Variants in CPQ observed in about 807,000 individuals in gnomAD.
CPQ encodes carboxypeptidase Q, also known as Ser-Met dipeptidase.
A neutral mutation model predicts 45.7 loss-of-function variants in CPQ; 37 were observed. That is an observed-to-expected ratio of 0.81 (90% CI 0.62 to 1.07). CPQ has a LOEUF of 1.07. Ranked by LOEUF, CPQ falls within the 50% of genes least tolerant of loss-of-function variation. The probability of loss-of-function intolerance (pLI) is 0.00; values close to 1 mark genes in which losing one functional copy is unlikely to be tolerated. For missense variants in CPQ, 537 were observed against 572.9 expected (o/e 0.94, Z 0.64); for synonymous variants, 186 against 205.8 (o/e 0.90, Z 0.82).
At chr8:96,917,301 A>G (rs1450201371) in intron 4 of CPQ, among the ~76,000 whole-genome samples, 1 of 152,122 alleles carries the variant, frequency 6.6e-6, no homozygotes, top group African/African-American at 2.4e-5. Flanking sequence ...AGATACATGA[A>G]TACTTATTCT....
Position 97,129,668 on chromosome 8 carries a change from C to G in CPQ, c.1256-13352C>G, listed in dbSNP as rs568150948. 1.2e-4 allele frequency among the ~76,000 whole-genome samples: 19 copies of G among 152,274 alleles called. No homozygotes were observed. The South Asian group carries it at 3.8e-3, about 30-fold the overall frequency. On this transcript the variant is annotated intron_variant, in intron 7 of 7. Coordinates refer to ENST00000220763, the MANE Select transcript of CPQ (RefSeq NM_016134.4). ...CCACTAACATACCCATAAACAATCTCCACTGCATTACAATCAGGAACTTAG... is the reference window on the plus strand; with the variant it reads ...CCACTAACATACCCATAAACAATCTGCACTGCATTACAATCAGGAACTTAG...
At chr8:96,791,608 A>G (rs1810846826) in intron 2 of CPQ, among the ~76,000 whole-genome samples, 1 of 152,204 alleles carries the variant, frequency 6.6e-6, no homozygotes, top group Admixed American at 6.5e-5. Flanking sequence ...CTCAAAGTAG[A>G]TAAACAGTTG....
chr8:96,895,308 T>C (rs1244892501), intron 4 of CPQ, among the ~76,000 whole-genome samples: 1 of 152,240 alleles, frequency 6.6e-6, no homozygotes, highest in African/African-American at 2.4e-5. Flanking sequence ...TGTTAGCATC[T>C]TGCTGCACTT....
At chr8:96,806,113 G>T (rs1811074943) in intron 2 of CPQ, among the ~76,000 whole-genome samples, 1 of 152,078 alleles carries the variant, frequency 6.6e-6, no homozygotes, top group African/African-American at 2.4e-5. Context: ...GATGGAGAAG[G>T]GGATGAGGCT....
At chr8:96,784,171 C>T (rs1810726527) in intron 1 of CPQ, among the ~76,000 whole-genome samples, 1 of 151,954 alleles carries the variant, frequency 6.6e-6, no homozygotes, top group Non-Finnish European at 1.5e-5. Flanking sequence ...TAAATGCTTC[C>T]TGTTATTGTT....
chr8:96,722,421 T>G (rs1809776914), intron 1 of CPQ, among the ~76,000 whole-genome samples: 1 of 140,998 alleles, frequency 7.1e-6, no homozygotes, highest in South Asian at 2.2e-4. Context: ...ACCATACCAG[T>G]TTTTTTTTTC....
intron 1 of CPQ, among the ~76,000 whole-genome samples, chr8:96,725,903 C>T (rs1809831724): frequency 6.6e-6 from 1 of 152,062 alleles, no homozygotes; most frequent in South Asian, 2.1e-4. Flanking sequence ...ACTACACAGC[C>T]ATAAAAAATA....
intron 3 of CPQ, among the ~76,000 whole-genome samples, chr8:96,850,579 TTTTATTTTATTTA>T (rs1444430902): frequency 2.6e-4 from 37 of 144,548 alleles, no homozygotes; most frequent in South Asian, 2.2e-4. Flanking sequence ...TTTTATTTTA[TTTTATTTTATTTA>T]TTTATTTATT....
At chr8:96,754,763 C>T (rs1286240663) in intron 1 of CPQ, among the ~76,000 whole-genome samples, 2 of 151,944 alleles carry the variant, frequency 1.3e-5, no homozygotes, top group Non-Finnish European at 2.9e-5. Flanking sequence ...TTGGTAAATA[C>T]AATGAAATGA....
At chr8:96,981,542 G>A (rs1185031221) in intron 5 of CPQ, among the ~76,000 whole-genome samples, 1 of 152,116 alleles carries the variant, frequency 6.6e-6, no homozygotes, top group Non-Finnish European at 1.5e-5. Flanking sequence ...AGGGAAGTGT[G>A]AATTTATCTT....
At chr8:96,754,363 T>G (rs1810302033) in intron 1 of CPQ, among the ~76,000 whole-genome samples, 1 of 152,016 alleles carries the variant, frequency 6.6e-6, no homozygotes. Context: ...CACAATAGAT[T>G]CCATTCCCCC....
chr8:97,113,519 C>T (rs1263552062), intron 7 of CPQ, among the ~76,000 whole-genome samples: 1 of 152,204 alleles, frequency 6.6e-6, no homozygotes, highest in Non-Finnish European at 1.5e-5. Context: ...TGATAGTGGA[C>T]TGAATCCTCA....
intron 5 of CPQ, among the ~76,000 whole-genome samples, chr8:96,967,628 T>C (rs951234070): frequency 7.2e-5 from 11 of 152,244 alleles, no homozygotes; most frequent in Non-Finnish European, 1.2e-4. Flanking sequence ...TGATAGCTAG[T>C]GACCAGTCTC....
Position 96,886,177 on chromosome 8 carries a change from T to G in CPQ, c.849+6172T>G, listed in dbSNP as rs59932141. ...TACTCTTCTGTGATTTGGGCATGTT[T>G]TGCAGGACCCAGAAGATCTTGGACA... On this transcript the variant is annotated intron_variant, in intron 4 of 7. Coordinates refer to ENST00000220763, the MANE Select transcript of CPQ (RefSeq NM_016134.4). Among the ~76,000 whole-genome samples the G allele has an allele frequency of 7.3e-3, 1,108 of 152,268 alleles. 13 individuals carry two copies. Among genetic ancestry groups the G allele is most frequent in the African/African-American group, 0.025 (1,043 of 41,546 alleles).
chr8:97,065,025 T>A (rs1810614378), intron 6 of CPQ, among the ~76,000 whole-genome samples: 1 of 152,192 alleles, frequency 6.6e-6, no homozygotes. Flanking sequence ...ATTGCAAATG[T>A]GAAAGCTCTC....
At chr8:96,807,529 G>A (rs746391695) in intron 2 of CPQ, among the ~76,000 whole-genome samples, 4 of 152,110 alleles carry the variant, frequency 2.6e-5, no homozygotes, top group African/African-American at 7.2e-5. Flanking sequence ...CACCGCGCCC[G>A]GCTGAAAACT....
chr8:96,824,026 A>G (rs1414604929), intron 2 of CPQ, among the ~76,000 whole-genome samples: 2 of 152,042 alleles, frequency 1.3e-5, no homozygotes, highest in Non-Finnish European at 2.9e-5. Flanking sequence ...TAGTAAATGC[A>G]TTGTGCTGTG....
At chr8:97,099,350 C>T (rs548958067) in intron 7 of CPQ, among the ~76,000 whole-genome samples, 4 of 151,756 alleles carry the variant, frequency 2.6e-5, no homozygotes, top group East Asian at 3.9e-4. Context: ...AGGCTGGTCT[C>T]GAACTCCTGA....
chr8:96,752,199 A>C (rs892740352), intron 1 of CPQ, among the ~76,000 whole-genome samples: 1 of 152,134 alleles, frequency 6.6e-6, no homozygotes, highest in Admixed American at 6.6e-5. Flanking sequence ...AATAGCATTG[A>C]ATCTTTAAAT....
Sources: gnomAD v4.1 joint callset for allele counts (sites outside exome capture counted in the v4.1 genomes callset) on GRCh38, gnomAD v4.1.1 for gene constraint, MANE v1.5 for transcripts, NCBI Gene and HGNC (gene_info 2026-07-23, HGNC 2026-07-21) for gene names.